PDS5B: variants seen among roughly 807,000 people sequenced by gnomAD.
PDS5B encodes PDS5 cohesin associated factor B, also known as sister chromatid cohesion protein PDS5 homolog B.
In PDS5B, 51 loss-of-function variants were observed where a neutral mutation model predicts 184.1. That is an observed-to-expected ratio of 0.28 (90% confidence interval 0.22 to 0.35). The LOEUF (loss-of-function observed/expected upper bound fraction) is 0.35, where lower values mean the gene tolerates loss of function less well. PDS5B is among the 10% of genes least tolerant of loss of function. PDS5B has a pLI of 1.00. For missense variants in PDS5B, 1,180 were observed against 1,723.3 expected (o/e 0.68, Z 5.58); for synonymous variants, 566 against 569.2 (o/e 0.99, Z 0.08).
intron 1 of PDS5B, among the ~76,000 whole-genome samples, chr13:32,644,769 C>A (rs1027371819): frequency 1.9e-4 from 29 of 152,074 alleles, no homozygotes; most frequent in Non-Finnish European, 2.8e-4. Context: ...GTTTTACAGT[C>A]ATGAGTTGTT....
intron 1 of PDS5B, among the ~76,000 whole-genome samples, chr13:32,624,540 T>A (rs999046773): frequency 1.4e-4 from 22 of 152,358 alleles, no homozygotes; most frequent in African/African-American, 5.3e-4. Flanking sequence ...TTTAAAAGTT[T>A]AAACATTCAT....
At chr13:32,773,571 A>C (rs994766222) in intron 34 of PDS5B, among the ~76,000 whole-genome samples, 5 of 152,168 alleles carry the variant, frequency 3.3e-5, no homozygotes, top group Non-Finnish European at 7.4e-5. Flanking sequence ...TAATATTGAC[A>C]CTTTAAGCAT....
chr13:32,735,295 A>G lies in PDS5B; in HGVS notation c.2371A>G (p.Thr791Ala). ...TGCTCCTTTGAAATCTTTGGTAGCT[A>G]CTTTCATTGTGAAAGATCTTCTCAT... Reference protein sequence around the residue: ...FAAPLKSLVATFIVKDLLMND... With the variant: ...FAAPLKSLVAAFIVKDLLMND... The change falls in exon 21 of 35, where the codon ACT (threonine) becomes GCT (alanine). Residue 791 changes from threonine to alanine, a missense_variant. This residue lies in a region of PDS5B where 475 missense variants were observed against 691.5 expected (regional missense o/e 0.69). Transcript: ENST00000315596. The G allele has an allele frequency of 1.2e-6, 2 of 1,611,982 alleles. No homozygotes were observed. Among genetic ancestry groups the G allele is most frequent in the Non-Finnish European group, 8.5e-7 (1 of 1,178,682 alleles).
At chr13:32,610,733 T>G (rs1464792814) in intron 1 of PDS5B, among the ~76,000 whole-genome samples, 2 of 152,120 alleles carry the variant, frequency 1.3e-5, no homozygotes, top group Non-Finnish European at 1.5e-5. Flanking sequence ...CCTTACTAGT[T>G]GTTCATCCTT....
At chr13:32,631,142 G>A (rs2058449372) in intron 1 of PDS5B, among the ~76,000 whole-genome samples, 1 of 144,546 alleles carries the variant, frequency 6.9e-6, no homozygotes, top group Middle Eastern at 3.6e-3. Flanking sequence ...TTGAGATGGG[G>A]TCTCACTCTG....
intron 1 of PDS5B, among the ~76,000 whole-genome samples, chr13:32,640,527 G>A (rs959324269): frequency 1.3e-5 from 2 of 149,344 alleles, no homozygotes; most frequent in African/African-American, 2.5e-5. Flanking sequence ...GATTACAGGC[G>A]TGAGCCACTG....
chr13:32,725,593 G>T (rs1207841943), intron 19 of PDS5B, among the ~76,000 whole-genome samples: 3 of 152,128 alleles, frequency 2.0e-5, no homozygotes, highest in African/African-American at 7.2e-5. Flanking sequence ...ATGACTCTAT[G>T]ATAATTCAGT....
chr13:32,612,688 G>A (rs1056408688), intron 1 of PDS5B, among the ~76,000 whole-genome samples: 3 of 152,146 alleles, frequency 2.0e-5, no homozygotes, highest in Non-Finnish European at 4.4e-5. Flanking sequence ...CTGCTATTGC[G>A]GAAATGGGTT....
Position 32,688,588 on chromosome 13 carries a change from A to G in PDS5B, c.1469+19A>G. ...CTGTGAAGTATGTTTCAAATATCAAATTCTGTTCTTTTCATCCTTTGCAAT... is the reference window on the plus strand; with the variant it reads ...CTGTGAAGTATGTTTCAAATATCAAGTTCTGTTCTTTTCATCCTTTGCAAT... On this transcript the variant is annotated intron_variant, in intron 13 of 34. Transcript: ENST00000315596. 1 of 1,355,538 alleles carries G rather than the reference A, an allele frequency of 7.4e-7. No individual in the cohort carries two copies. The highest frequency in any genetic ancestry group is 1.1e-6 in the Non-Finnish European group (1 of 944,598). The allele number at this position is 1,355,538 out of a possible 1,614,324, so 84.0% of individuals were successfully genotyped here. A position where few individuals can be genotyped will look rare whatever the true frequency, so the allele number is the denominator to read the frequency against.
chr13:32,752,043 A>T (rs1954002900), intron 24 of PDS5B, among the ~76,000 whole-genome samples: 1 of 145,380 alleles, frequency 6.9e-6, no homozygotes, highest in East Asian at 1.9e-4. Flanking sequence ...GAAACACACC[A>T]TACCTTATTT....
intron 2 of PDS5B, 68 bp downstream of exon 2, chr13:32,648,948 C>A: frequency 1.3e-6 from 1 of 783,588 alleles, no homozygotes; most frequent in South Asian, 1.4e-5. Flanking sequence ...TCACATGGGG[C>A]TATAATGTAT....
chr13:32,721,007 G>A (rs968226346), intron 19 of PDS5B, among the ~76,000 whole-genome samples: 1 of 152,172 alleles, frequency 6.6e-6, no homozygotes, highest in Non-Finnish European at 1.5e-5. Flanking sequence ...ATTTTTCTTA[G>A]TACAGAACAA....
intron 14 of PDS5B, among the ~76,000 whole-genome samples, chr13:32,696,608 G>C (rs537757479): frequency 6.6e-6 from 1 of 151,776 alleles, no homozygotes; most frequent in African/African-American, 2.4e-5. Flanking sequence ...GCAGCTGTCT[G>C]ATTTCTGTTT....
intron 17 of PDS5B, among the ~76,000 whole-genome samples, chr13:32,703,840 G>T (rs1471766329): frequency 6.6e-6 from 1 of 152,098 alleles, no homozygotes; most frequent in East Asian, 1.9e-4. Context: ...TAGAAAAGTT[G>T]AGCAATTATT....
chr13:32,665,588 C>CAAAAAAAA (rs34604938), intron 6 of PDS5B, among the ~76,000 whole-genome samples: 326 of 25,836 alleles, frequency 0.013, 10 homozygotes, highest in Non-Finnish European at 0.015. Flanking sequence ...GACTCCGACT[C>CAAAAAAAA]AAAAAAAAAA....
At position 32,659,297 on chromosome 13, in the gene PDS5B, A is replaced by G. The variant is rs368750147; in HGVS notation, c.624+17A>G. ...GCTCATAAGGTGAGTAGCAATGTAT[A>G]CTGTAATGTGTCTAATGCCCGTTAA... On this transcript the variant is annotated intron_variant, in intron 6 of 34. Coordinates refer to ENST00000315596, the MANE Select transcript of PDS5B (RefSeq NM_015032.4). 5 of 1,543,470 alleles carry G rather than the reference A, an allele frequency of 3.2e-6. No individual in the cohort carries two copies. The African/African-American group carries it at 5.4e-5, about 17-fold the overall frequency.
At chr13:32,683,686 G>T (rs1951311277) in intron 10 of PDS5B, among the ~76,000 whole-genome samples, 192 bp from the exon 11 acceptor site, 1 of 152,124 alleles carries the variant, frequency 6.6e-6, no homozygotes, top group South Asian at 2.1e-4. Flanking sequence ...TTACTCAATT[G>T]GATGTCAAGG....
intron 19 of PDS5B, among the ~76,000 whole-genome samples, chr13:32,726,924 T>G (rs948293369): frequency 3.9e-5 from 6 of 152,292 alleles, no homozygotes; most frequent in Admixed American, 2.6e-4. Flanking sequence ...AGAAAAAGTT[T>G]ATTTATTTAT....
intron 10 of PDS5B, among the ~76,000 whole-genome samples, chr13:32,679,647 A>T (rs3135187): frequency 0.61 from 91,936 of 151,194 alleles, 28,016 homozygotes; most frequent in Admixed American, 0.68. Context: ...TCAAAAAAAA[A>T]AAAAAAATAA....
Sources: gnomAD v4.1 joint callset for allele counts (sites outside exome capture counted in the v4.1 genomes callset) on GRCh38, gnomAD v4.1.1 for gene constraint, gnomAD v4.1.1 regional missense constraint, MANE v1.5 for transcripts, NCBI Gene and HGNC (gene_info 2026-07-23, HGNC 2026-07-21) for gene names.